The following PCDH15 variants were observed in gnomAD, a reference collection of about 807,000 sequenced individuals.
The protein encoded by PCDH15 is protocadherin related 15, also known as protocadherin-15.
In PCDH15, 129 loss-of-function variants were observed where a neutral mutation model predicts 178.5. The observed-to-expected ratio is 0.72, with a 90% confidence interval of 0.63 to 0.84. The LOEUF (loss-of-function observed/expected upper bound fraction) is 0.84. Ranked by LOEUF, PCDH15 falls within the 40% of genes least tolerant of loss-of-function variation. The probability of loss-of-function intolerance (pLI) is 0.00; values close to 1 mark genes in which losing one functional copy is unlikely to be tolerated. For synonymous variants in PCDH15, 800 were observed against 732.0 expected, an observed-to-expected ratio of 1.09 and a Z score of -1.50; for missense variants, 2,230 against 2,099.9, an observed-to-expected ratio of 1.06 and a Z score of -1.21.
chr10:55,281,066 A>G (rs1842720973), intron 1 of PCDH15, among the ~76,000 whole-genome samples: 1 of 152,214 alleles, frequency 6.6e-6, no homozygotes, highest in African/African-American at 2.4e-5. Flanking sequence ...TAGTAAAAGA[A>G]TATCTGCAAT....
At chr10:55,484,496 T>C (rs571775841) in intron 2 of PCDH15, among the ~76,000 whole-genome samples, 7 of 151,780 alleles carry the variant, frequency 4.6e-5, no homozygotes, top group African/African-American at 1.7e-4. Flanking sequence ...AATTCAATGC[T>C]ATCCCTAACA....
intron 18 of PCDH15, among the ~76,000 whole-genome samples, chr10:54,066,047 T>C (rs190557266): frequency 1.7e-4 from 26 of 152,288 alleles, no homozygotes; most frequent in Middle Eastern, 3.4e-3. Context: ...TAAACCAAGA[T>C]TCTTTCCTCC....
intron 2 of PCDH15, among the ~76,000 whole-genome samples, chr10:54,578,464 T>G (rs184545329): frequency 6.6e-6 from 1 of 152,246 alleles, no homozygotes; most frequent in East Asian, 1.9e-4. Context: ...TTTAGCAGAT[T>G]TTTGTAAGAA....
intron 2 of PCDH15, among the ~76,000 whole-genome samples, chr10:55,560,304 C>G (rs1262521462): frequency 6.6e-6 from 1 of 151,878 alleles, no homozygotes; most frequent in East Asian, 1.9e-4. Flanking sequence ...TATTCTTAGA[C>G]TGGGAATGCT....
At chr10:55,370,706 A>G (rs945819751) in intron 2 of PCDH15, among the ~76,000 whole-genome samples, 1 of 152,196 alleles carries the variant, frequency 6.6e-6, no homozygotes, top group East Asian at 1.9e-4. Context: ...CTTTAAAGTA[A>G]ATCAGAAGTG....
At chr10:55,385,506 A>G (rs755064801) in intron 2 of PCDH15, among the ~76,000 whole-genome samples, 2 of 151,868 alleles carry the variant, frequency 1.3e-5, no homozygotes, top group Non-Finnish European at 2.9e-5. Flanking sequence ...AGATAATAAT[A>G]TATTATTTTA....
At chr10:54,775,880 C>A (rs1489047216) in intron 1 of PCDH15, among the ~76,000 whole-genome samples, 1 of 152,076 alleles carries the variant, frequency 6.6e-6, no homozygotes, top group Non-Finnish European at 1.5e-5. Flanking sequence ...AGCAAGACTC[C>A]GTCTCAAACA....
In PCDH15 at chr10:55,530,610, C is replaced by G. The variant is rs561903206; in HGVS notation, c.-156+97015G>C. The stretch of plus-strand genomic sequence containing the variant: ...CAAATAAAAAGTAACAACATAAGTC[C>G]CTGAATTAATAGAATAAAGTTTAGA... On this transcript the variant is annotated intron_variant, in intron 2 of 5. Transcript: ENST00000613346. Among the ~76,000 whole-genome samples the G allele has an allele frequency of 3.3e-4, 50 of 151,718 alleles. 2 individuals carry two copies. Among genetic ancestry groups the G allele is most frequent in the South Asian group, 2.1e-4 (1 of 4,804 alleles).
chr10:54,786,024 G>A (rs906946015), intron 1 of PCDH15, among the ~76,000 whole-genome samples: 11 of 151,908 alleles, frequency 7.2e-5, no homozygotes, highest in Non-Finnish European at 1.6e-4. Flanking sequence ...TGTATTGAGT[G>A]TCCACACTTA....
At chr10:54,285,417 A>T (rs115853759) in intron 8 of PCDH15, among the ~76,000 whole-genome samples, 324 of 152,288 alleles carry the variant, frequency 2.1e-3, no homozygotes, top group African/African-American at 7.4e-3. Context: ...GGGCAAAAAA[A>T]TCTGAATAGA....
At chr10:54,893,245 C>A (rs982048169) in intron 3 of PCDH15, among the ~76,000 whole-genome samples, 1 of 151,412 alleles carries the variant, frequency 6.6e-6, no homozygotes, top group African/African-American at 2.4e-5. Flanking sequence ...ACACTAAAAA[C>A]CAAAAATGAT....
intron 15 of PCDH15, among the ~76,000 whole-genome samples, chr10:54,115,566 C>A (rs1017706978): frequency 1.3e-5 from 2 of 152,190 alleles, no homozygotes; most frequent in African/African-American, 4.8e-5. Context: ...AATATTGATG[C>A]AGACATATAA....
chr10:54,874,825 G>A (rs1045746268), intron 3 of PCDH15, among the ~76,000 whole-genome samples: 1 of 151,988 alleles, frequency 6.6e-6, no homozygotes, highest in African/African-American at 2.4e-5. Flanking sequence ...ATCAAGTAAT[G>A]TTTTACACTT....
At chr10:53,850,847 A>G (rs560896291) in intron 28 of PCDH15, among the ~76,000 whole-genome samples, 15 of 152,248 alleles carry the variant, frequency 9.9e-5, no homozygotes, top group Admixed American at 9.2e-4. Flanking sequence ...CATGTAATAG[A>G]CAATACAGCA....
intron 3 of PCDH15, among the ~76,000 whole-genome samples, chr10:54,878,199 G>T (rs773452317): frequency 3.3e-5 from 5 of 151,928 alleles, no homozygotes; most frequent in Non-Finnish European, 5.9e-5. Flanking sequence ...CTGACCTCAG[G>T]TGATCCACCT....
At chr10:54,093,600 C>T (rs1439947451) in intron 15 of PCDH15, among the ~76,000 whole-genome samples, 1 of 152,114 alleles carries the variant, frequency 6.6e-6, no homozygotes, top group Non-Finnish European at 1.5e-5. Context: ...ATATTTCTAT[C>T]AGCAATATTT....
intron 3 of PCDH15, among the ~76,000 whole-genome samples, chr10:54,844,634 G>T (rs1211564294): frequency 6.6e-6 from 1 of 151,054 alleles, no homozygotes; most frequent in East Asian, 1.9e-4. Context: ...CTTTTTTTTT[G>T]AATATTAATA....
chr10:54,615,743 CAT>C (rs879817746), intron 2 of PCDH15, among the ~76,000 whole-genome samples: 53 of 152,104 alleles, frequency 3.5e-4, no homozygotes, highest in Non-Finnish European at 6.5e-4. Flanking sequence ...ACAAAATAAA[CAT>C]AAAATACTGT....
At chr10:55,031,080 A>C (rs990897089) in intron 2 of PCDH15, among the ~76,000 whole-genome samples, 53 of 152,150 alleles carry the variant, frequency 3.5e-4, no homozygotes, top group African/African-American at 1.2e-3. Context: ...ATCCCAAACA[A>C]ATTGATGACA....
Sources: allele counts gnomAD v4.1 joint callset (sites outside exome capture counted in the v4.1 genomes callset), GRCh38; gene constraint gnomAD v4.1.1; transcripts MANE v1.5; gene names NCBI Gene and HGNC (gene_info 2026-07-23, HGNC 2026-07-21).